Variants in PAM observed in about 807,000 individuals in gnomAD.
The protein encoded by PAM is peptidyl-glycine alpha-amidating monooxygenase.
In PAM, 72 loss-of-function variants were observed where a neutral mutation model predicts 122.1. That is an observed-to-expected ratio of 0.59 (90% CI 0.49 to 0.72). The LOEUF (loss-of-function observed/expected upper bound fraction) is 0.72, where lower values mean the gene tolerates loss of function less well. Ranked by LOEUF, PAM falls within the 30% of genes least tolerant of loss-of-function variation. The pLI, the probability that PAM is intolerant of heterozygous loss-of-function variation, is 0.00. For missense variants in PAM, 1,106 were observed against 1,183.7 expected, an observed-to-expected ratio of 0.93 and a Z score of 0.96; for synonymous variants, 389 against 404.4, an observed-to-expected ratio of 0.96 and a Z score of 0.46.
intron 1 of PAM, among the ~76,000 whole-genome samples, chr5:102,842,011 G>A (rs138793887): frequency 5.3e-5 from 8 of 152,052 alleles, no homozygotes; most frequent in African/African-American, 1.7e-4. Context: ...AAAAATGAAA[G>A]TTTCTTCCTA....
At chr5:102,821,042 C>G (rs560233285) in intron 1 of PAM, among the ~76,000 whole-genome samples, 111 of 152,178 alleles carry the variant, frequency 7.3e-4, no homozygotes, top group Non-Finnish European at 1.3e-3. Flanking sequence ...AAAGAAGGAA[C>G]ATAGTATGAA....
intron 14 of PAM, among the ~76,000 whole-genome samples, chr5:102,969,303 C>CACTCAGAAATATATAGCT (rs1240636286): frequency 2.0e-5 from 3 of 151,420 alleles, no homozygotes; most frequent in Non-Finnish European, 4.4e-5. Context: ...AAGAAAATAC[C>CACTCAGAAATATATAGCT]ACTCAGAAAT....
intron 5 of PAM, among the ~76,000 whole-genome samples, chr5:102,915,424 A>G (rs1802807260): frequency 6.6e-6 from 1 of 152,154 alleles, no homozygotes; most frequent in African/African-American, 2.4e-5. Flanking sequence ...TGAAAGGAAC[A>G]TATCACATAG....
chr5:103,007,995 G>C (rs1385810933), intron 20 of PAM, among the ~76,000 whole-genome samples: 1 of 151,894 alleles, frequency 6.6e-6, no homozygotes, highest in East Asian at 1.9e-4. Flanking sequence ...GTATATGTCT[G>C]ATAAAATCAG....
intron 1 of PAM, among the ~76,000 whole-genome samples, chr5:102,859,780 A>G (rs1783634049): frequency 6.6e-6 from 1 of 152,146 alleles, no homozygotes; most frequent in Admixed American, 6.5e-5. Context: ...ACCATTTCTT[A>G]TCTTATATAC....
chr5:102,885,865 G>C (rs1359842024), intron 3 of PAM, among the ~76,000 whole-genome samples: 1 of 151,938 alleles, frequency 6.6e-6, no homozygotes, highest in Non-Finnish European at 1.5e-5. Context: ...CAGTTGAAAT[G>C]AATAAGGTGT....
chr5:102,770,040 A>G (rs1755279324), intron 1 of PAM, among the ~76,000 whole-genome samples: 1 of 151,918 alleles, frequency 6.6e-6, no homozygotes, highest in African/African-American at 2.4e-5. Flanking sequence ...TTCTTTCATC[A>G]ATATTTTATA....
At chr5:102,789,530 C>A (rs757412354) in intron 1 of PAM, among the ~76,000 whole-genome samples, 1 of 151,988 alleles carries the variant, frequency 6.6e-6, no homozygotes, top group South Asian at 2.1e-4. Context: ...GTGAAATAAG[C>A]GAGACACAAA....
chr5:102,778,974 G>A (rs891705395), intron 1 of PAM, among the ~76,000 whole-genome samples: 1 of 152,104 alleles, frequency 6.6e-6, no homozygotes, highest in African/African-American at 2.4e-5. Flanking sequence ...ATTATCTGTT[G>A]TGGAAAACTC....
chr5:102,887,297 C>T (rs1163400546), intron 3 of PAM, among the ~76,000 whole-genome samples: 1 of 151,964 alleles, frequency 6.6e-6, no homozygotes, highest in Non-Finnish European at 1.5e-5. Flanking sequence ...CTTTGTTTCT[C>T]TCTCTTGCCT....
chr5:102,778,101 A>G (rs2149823853), intron 1 of PAM, among the ~76,000 whole-genome samples: 1 of 152,286 alleles, frequency 6.6e-6, no homozygotes, highest in Non-Finnish European at 1.5e-5. Flanking sequence ...AAAAAAAATT[A>G]AAGGAGAAAG....
At chr5:102,972,318 G>A (rs1395356482) in intron 14 of PAM, among the ~76,000 whole-genome samples, 1 of 152,128 alleles carries the variant, frequency 6.6e-6, no homozygotes, top group African/African-American at 2.4e-5. Context: ...GTCTGTCTCT[G>A]TCACTCAGGC....
At chr5:103,014,087 G>A (rs1781361604) in intron 21 of PAM, among the ~76,000 whole-genome samples, 2 of 152,128 alleles carry the variant, frequency 1.3e-5, no homozygotes, top group Non-Finnish European at 2.9e-5. Context: ...CCTCATATCT[G>A]TTGGTAAAGG....
At chr5:102,972,863 T>C (rs1766316433) in intron 14 of PAM, among the ~76,000 whole-genome samples, 1 of 152,224 alleles carries the variant, frequency 6.6e-6, no homozygotes, top group African/African-American at 2.4e-5. Flanking sequence ...TGGGATAAGC[T>C]GATTTCACTG....
At chr5:102,822,512 T>G (rs1247809171) in intron 1 of PAM, among the ~76,000 whole-genome samples, 1 of 151,608 alleles carries the variant, frequency 6.6e-6, no homozygotes, top group Non-Finnish European at 1.5e-5. Context: ...CACATAGACA[T>G]GAGGAGTGCC....
chr5:102,780,759 CTTTCTT>C lies in PAM; in HGVS notation c.-374+25413_-374+25418del, dbSNP rs1758574561. 1.1e-4 allele frequency among the ~76,000 whole-genome samples: 3 copies of C among 27,150 alleles called. 1 individual carries two copies. Among genetic ancestry groups the C allele is most frequent in the Non-Finnish European group, 2.5e-4 (3 of 12,232 alleles). 17.8% of individuals were successfully genotyped at this position (27,150 alleles called of 152,430 possible). ...AGCACCTTTTTCTTTCTTTCTCTTT[CTTTCTT>C]TCTTTCTTTCTTTCTTTCTTTCTTT... On this transcript the variant is annotated intron_variant, in intron 1 of 25. Transcript: ENST00000438793.
intron 15 of PAM, among the ~76,000 whole-genome samples, chr5:102,980,457 A>G (rs761491823): frequency 9.9e-5 from 15 of 152,160 alleles, no homozygotes; most frequent in Non-Finnish European, 2.1e-4. Context: ...ATTGAGGCCT[A>G]AAGTCTGGCT....
At chr5:102,926,495 T>C in intron 6 of PAM, 90 bp from the exon 7 acceptor site, 1 of 744,642 alleles carries the variant, frequency 1.3e-6, no homozygotes, top group Non-Finnish European at 2.4e-6. Flanking sequence ...TATATGTTAT[T>C]TCCCTTTGGA....
intron 1 of PAM, among the ~76,000 whole-genome samples, chr5:102,782,725 CTGTGTGTGTGTGTGTGTGTG>C (rs35149404): frequency 2.1e-5 from 3 of 140,188 alleles, no homozygotes; most frequent in African/African-American, 5.5e-5. Context: ...CTCTCTCTCT[CTGTGTGTGTGTGTGTGTGTG>C]TGTGTGTGTG....
Sources: gnomAD v4.1 joint callset for allele counts (sites outside exome capture counted in the v4.1 genomes callset) on GRCh38, gnomAD v4.1.1 for gene constraint, MANE v1.5 for transcripts, NCBI Gene and HGNC (gene_info 2026-07-23, HGNC 2026-07-21) for gene names.